Variants in SRCAP observed in about 807,000 individuals in gnomAD.
SRCAP encodes Snf2 related CREBBP activator protein, also known as chromatin remodeling protein SRCAP.
Under a neutral mutation model 263.1 loss-of-function variants are expected in SRCAP, and 46 were observed. That is an observed-to-expected ratio of 0.17 (90% CI 0.14 to 0.22). The LOEUF (loss-of-function observed/expected upper bound fraction) is 0.22. SRCAP is among the 10% of genes least tolerant of loss of function. SRCAP has a pLI of 1.00. For synonymous variants in SRCAP, 1,813 were observed against 1,662.1 expected (o/e 1.09, Z -2.21); for missense variants, 3,695 against 4,181.9 (o/e 0.88, Z 3.21).
Position 30,724,222 on chromosome 16 carries a change from C to G in SRCAP, c.4798C>G (p.Pro1600Ala), listed in dbSNP as rs1178674894. The G allele has an allele frequency of 1.2e-5, 20 of 1,613,950 alleles. No homozygotes were observed. The South Asian group carries it at 2.1e-4, about 17-fold the overall frequency. Residue 1600 changes from proline to alanine, a missense_variant, in exon 25 of 34, where the codon CCT (proline) becomes GCT (alanine). By Grantham distance (27) the Pro-to-Ala change is conservative (BLOSUM62 -1). Coordinates refer to ENST00000262518, the MANE Select transcript of SRCAP (RefSeq NM_006662.3). Reference sequence around the variant, plus strand: ...GGCTCCACAGACAGCAATTCTGGCTCCTTCTCCAGCTCCTCCTCTGGCTCC... The same window carrying G: ...GGCTCCACAGACAGCAATTCTGGCTGCTTCTCCAGCTCCTCCTCTGGCTCC... The part of the protein sequence containing the change: ...MAAPQTAILA[P>A]SPAPPLAPLP...
intron 3 of SRCAP, 113 bp from the exon 4 acceptor site, chr16:30,703,951 T>G (rs1369870877): frequency 1.2e-5 from 16 of 1,286,536 alleles, no homozygotes; most frequent in Non-Finnish European, 1.6e-5. Flanking sequence ...AAAATAAGGT[T>G]TATACCTTAC....
chr16:30,719,732 T>C (rs2052991493), intron 18 of SRCAP, among the ~76,000 whole-genome samples: 1 of 152,142 alleles, frequency 6.6e-6, no homozygotes, highest in African/African-American at 2.4e-5. Flanking sequence ...TAGGGTGATC[T>C]CAAATTCCTG....
intron 5 of SRCAP, 57 bp from the exon 6 acceptor site, chr16:30,707,515 C>T (rs1475088434): frequency 3.7e-6 from 6 of 1,607,192 alleles, no homozygotes; most frequent in South Asian, 2.2e-5. Context: ...TTTTCTTTGC[C>T]TTTGGGTGGG....
At chr16:30,722,934 C>T (rs904830417) in intron 23 of SRCAP, 29 bp from the exon 24 acceptor site, 3 of 1,583,982 alleles carry the variant, frequency 1.9e-6, no homozygotes, top group Admixed American at 1.7e-5. Context: ...TCTTTTCTAC[C>T]TTCCTCTCAG....
At position 30,700,841 on chromosome 16, in the gene SRCAP, C is replaced by G; in HGVS notation, c.17C>G (p.Ser6Cys). 2 of 1,614,166 alleles carry G rather than the reference C, an allele frequency of 1.2e-6. No individual in the cohort carries two copies. The highest frequency in any genetic ancestry group is 1.7e-6 in the Non-Finnish European group (2 of 1,179,990). The part of the protein sequence containing the change: MQSSP[S>C]PAHPQLPVLQ... The stretch of plus-strand genomic sequence containing the variant: ...AGTGGGACCATGCAGAGCAGCCCCT[C>G]CCCTGCTCACCCTCAGCTCCCAGTC... Residue 6 changes from serine (S) to cysteine (C), a missense_variant, in exon 3 of 34, where the codon TCC becomes TGC. Transcript: ENST00000262518.
rs760411658 is a variant in SRCAP at position 30,737,399 on chromosome 16, A to C, written c.7359A>C (p.Ala2453=). ...PRPTPASAPA[A]IPALVPVPVS... ...CCACTCCAGCTTCAGCTCCGGCTGC[A>C]ATTCCTGCCCTTGTTCCTGTCCCAG... The change falls in exon 34 of 34, where the codon GCA becomes GCC. Residue 2453 remains alanine, a synonymous_variant. Coordinates refer to ENST00000262518, the MANE Select transcript of SRCAP (RefSeq NM_006662.3). 5.6e-6 allele frequency: 9 copies of C among 1,610,662 alleles called. No individual in the cohort carries two copies. The South Asian group carries it at 9.9e-5, about 18-fold the overall frequency.
At chr16:30,718,516 C>T (rs112273888) in intron 18 of SRCAP, among the ~76,000 whole-genome samples, 3 of 142,770 alleles carry the variant, frequency 2.1e-5, no homozygotes, top group Admixed American at 7.3e-5. Flanking sequence ...CTCTGTCGCT[C>T]AGGCTGGAGT....
rs752194704 is a variant in SRCAP at position 30,723,878 on chromosome 16, C to A, written c.4454C>A (p.Pro1485Gln). 2 of 1,614,154 alleles carry A rather than the reference C, an allele frequency of 1.2e-6. No homozygotes were observed. The highest frequency in any genetic ancestry group is 1.7e-6 in the Non-Finnish European group (2 of 1,180,024). Reference protein sequence around the residue: ...SVTPPLAPVVPAAPGPPSLAP... With the variant: ...SVTPPLAPVVQAAPGPPSLAP... Reference sequence around the variant, plus strand: ...ACTCCACCATTGGCACCTGTTGTCCCAGCGGCTCCTGGACCTCCCTCCTTG... The same window carrying A: ...ACTCCACCATTGGCACCTGTTGTCCAAGCGGCTCCTGGACCTCCCTCCTTG... Residue 1485 changes from proline (P) to glutamine (Q), a missense_variant, in exon 25 of 34, where the codon CCA becomes CAA. By Grantham distance (76) the Pro-to-Gln change is moderately conservative. Around this residue, in one of 12 missense-constraint regions of SRCAP, gnomAD observed 1,347 missense variants for 1,304.4 expected, o/e 1.03. Coordinates refer to ENST00000262518, the MANE Select transcript of SRCAP (RefSeq NM_006662.3).
intron 26 of SRCAP, 61 bp from the exon 27 acceptor site, chr16:30,729,309 G>A: frequency 1.2e-6 from 2 of 1,606,632 alleles, no homozygotes; most frequent in African/African-American, 1.3e-5. Flanking sequence ...TGGTGAAGGT[G>A]TTAACTTCTG....
rs896991586 is a variant in SRCAP at position 30,721,531 on chromosome 16, C to T, written c.3541+55C>T. 145 of 1,564,540 alleles carry T rather than the reference C, an allele frequency of 9.3e-5. 3 individuals carry two copies. The highest frequency in any genetic ancestry group is 3.8e-4 in the South Asian group (33 of 86,806). ...CTTGAGATGGGAGGAAAGCTCAGGA[C>T]CATGAGAGCATCAAATTTTAGGCAG... On this transcript the variant is annotated intron_variant, in intron 21 of 33. Transcript: ENST00000262518.
chr16:30,707,542 T>A, intron 5 of SRCAP, 30 bp from the exon 6 acceptor site: 1 of 1,610,264 alleles, frequency 6.2e-7, no homozygotes, highest in South Asian at 1.1e-5. Context: ...TGGCTTTGAG[T>A]GTTTTCACCC....
rs1169012490 is a variant in SRCAP at position 30,723,814 on chromosome 16, A to G, written c.4390A>G (p.Thr1464Ala). The change falls in exon 25 of 34, where the codon ACT (threonine) becomes GCT (alanine). Residue 1464 changes from threonine to alanine, a missense_variant. Thr to Ala is a moderately conservative substitution (Grantham distance 58). Transcript: ENST00000262518. ...PLTIPISAPLTVSASGPALLT... is the reference protein window; with the variant it reads ...PLTIPISAPLAVSASGPALLT... Reference sequence around the variant, plus strand: ...CACCATCCCCATCTCAGCCCCCTTGACTGTTTCTGCTTCGGGCCCAGCTCT... The same window carrying G: ...CACCATCCCCATCTCAGCCCCCTTGGCTGTTTCTGCTTCGGGCCCAGCTCT... 1 of 1,613,314 alleles carries G rather than the reference A, an allele frequency of 6.2e-7. No homozygotes were observed. Among genetic ancestry groups the G allele is most frequent in the South Asian group, 1.1e-5 (1 of 91,040 alleles).
rs766718322 is a variant in SRCAP at position 30,716,465 on chromosome 16, G to A, written c.2803G>A (p.Val935Ile). Residue 935 changes from valine (V) to isoleucine (I), a missense_variant, in exon 18 of 34, where the codon GTC (valine) becomes ATC (isoleucine). Val to Ile is a conservative substitution (Grantham distance 29, BLOSUM62 3). Around this residue, in one of 12 missense-constraint regions of SRCAP, gnomAD observed 147 missense variants for 212.7 expected, o/e 0.69. Coordinates refer to ENST00000262518, the MANE Select transcript of SRCAP (RefSeq NM_006662.3). ...CTCTCTGGTGCTAAGGGCCACGGAT[G>A]TCCATCCCCTCCAGGTAAGTATGAT... is the stretch of plus-strand genomic sequence containing the variant. Reference protein sequence around the residue: ...TASLVLRATDVHPLQRIDMGR... With the variant: ...TASLVLRATDIHPLQRIDMGR... 2 of 1,612,682 alleles carry A rather than the reference G, an allele frequency of 1.2e-6. No individual in the cohort carries two copies. Among genetic ancestry groups the A allele is most frequent in the Non-Finnish European group, 8.5e-7 (1 of 1,179,414 alleles).
At position 30,707,458 on chromosome 16, in the gene SRCAP, G is replaced by A. The variant is rs1050063057; in HGVS notation, c.492+90G>A. On this transcript the variant is annotated intron_variant, in intron 5 of 33. Transcript: ENST00000262518. ...AAGGGGACCAGACAGAATGGTGTAG[G>A]CATTAAGAGCAAACTCTTGATTTTC... 5 of 1,600,960 alleles carry A rather than the reference G, an allele frequency of 3.1e-6. No individual in the cohort carries two copies. The African/African-American group carries it at 6.7e-5, about 21-fold the overall frequency.
At chr16:30,728,628 C>A (rs963887432) in intron 25 of SRCAP, among the ~76,000 whole-genome samples, 1 of 152,166 alleles carries the variant, frequency 6.6e-6, no homozygotes, top group Non-Finnish European at 1.5e-5. Flanking sequence ...ACCCACAAAT[C>A]GTCCATTCTA....
chr16:30,720,458 C>T (rs1275168024), intron 19 of SRCAP, 127 bp downstream of exon 19: 2 of 1,181,336 alleles, frequency 1.7e-6, no homozygotes, highest in South Asian at 1.5e-5. Flanking sequence ...TGGGTGCAAA[C>T]GTGGAGGGAA....
chr16:30,718,793 G>A (rs1370116949), intron 18 of SRCAP, among the ~76,000 whole-genome samples: 1 of 151,964 alleles, frequency 6.6e-6, no homozygotes, highest in Non-Finnish European at 1.5e-5. Context: ...TTTTGATGTA[G>A]TTCAATTTAT....
rs760306166 is a variant in SRCAP at position 30,739,568 on chromosome 16, C to T, written c.9528C>T (p.Ala3176=). 5.0e-6 allele frequency: 8 copies of T among 1,607,370 alleles called. No individual in the cohort carries two copies. The African/African-American group carries it at 8.0e-5, about 16-fold the overall frequency. ...CAGTAGAGGAGTCTGAGGCTGAAGC[C>T]TCAGGTGAGGAGGAGGAAGGGGATG... is the stretch of plus-strand genomic sequence containing the variant. The part of the protein sequence containing the change: ...EGSVEESEAE[A]SGEEEEGDGT... The change falls in exon 34 of 34, where the codon GCC becomes GCT. Residue 3176 remains alanine, a synonymous_variant. Coordinates refer to ENST00000262518, the MANE Select transcript of SRCAP (RefSeq NM_006662.3).
At position 30,704,287 on chromosome 16, in the gene SRCAP, A is replaced by G. The variant is rs555507140; in HGVS notation, c.278A>G (p.His93Arg). The G allele has an allele frequency of 1.6e-5, 26 of 1,612,576 alleles. No homozygotes were observed. The East Asian group carries it at 3.8e-4, about 24-fold the overall frequency. The change falls in exon 4 of 34, where the codon CAT (histidine) becomes CGT (arginine). Residue 93 changes from histidine to arginine, a missense_variant. By Grantham distance (29) the His-to-Arg change is conservative. Coordinates refer to ENST00000262518, the MANE Select transcript of SRCAP (RefSeq NM_006662.3). ...AAGGGCCCGAAGTGGGAGAAGAGCC[A>G]TGCCGAAATTGCAGAACAGGCCAAG... The part of the protein sequence containing the change: ...ANKGPKWEKS[H>R]AEIAEQAKHE...
Sources: gnomAD v4.1 joint callset for allele counts (sites outside exome capture counted in the v4.1 genomes callset) on GRCh38, gnomAD v4.1.1 for gene constraint, gnomAD v4.1.1 regional missense constraint, MANE v1.5 for transcripts, NCBI Gene and HGNC (gene_info 2026-07-23, HGNC 2026-07-21) for gene names.